Variants in JMJD4 observed in about 807,000 individuals in gnomAD.
JMJD4 encodes 2-oxoglutarate and iron-dependent oxygenase JMJD4.
Under a neutral mutation model 36.3 loss-of-function variants are expected in JMJD4, and 34 were observed. That is an observed-to-expected ratio of 0.94 (90% CI 0.71 to 1.25). The LOEUF (loss-of-function observed/expected upper bound fraction) is 1.25, where lower values mean the gene tolerates loss of function less well. JMJD4 is among the 50% of genes most tolerant of loss of function. The pLI, the probability that JMJD4 is intolerant of heterozygous loss-of-function variation, is 0.00. For synonymous variants in JMJD4, 269 were observed against 235.3 expected (o/e 1.14, Z -1.31); for missense variants, 584 against 559.1 (o/e 1.04, Z -0.45).
At position 227,731,861 on chromosome 1, in the gene JMJD4, TGGG is replaced by T; in HGVS notation, c.*528_*530del. ...GCCAGCCCAACCCAGCCCTCCACTC[TGGG>T]TACCCAGAGGAAGGCGCAGGCCGCT... On this transcript the variant is annotated 3_prime_UTR_variant, in exon 6 of 6. Transcript: ENST00000620518. 6.4e-6 allele frequency: 1 copy of T among 156,032 alleles called. No homozygotes were observed. Among genetic ancestry groups the T allele is most frequent in the Non-Finnish European group, 1.4e-5 (1 of 70,126 alleles). The allele number at this position is 156,032 out of a possible 1,614,324, so 9.7% of individuals were successfully genotyped here. A position where few individuals can be genotyped will look rare whatever the true frequency, so the allele number is the denominator to read the frequency against.
rs1348285729 is a variant in JMJD4 at position 227,731,318 on chromosome 1, A to G, written c.*1074T>C. On this transcript the variant is annotated 3_prime_UTR_variant, in exon 6 of 6. Coordinates refer to ENST00000620518, the MANE Select transcript of JMJD4 (RefSeq NM_023007.3). Reference sequence around the variant, plus strand: ...ACCCCTGCCCTTCTTGGGGGCTTCCATCCTAGACAAGTGCCAGCGGCCCCA... The same window carrying G: ...ACCCCTGCCCTTCTTGGGGGCTTCCGTCCTAGACAAGTGCCAGCGGCCCCA... The G allele has an allele frequency of 6.6e-6, 1 of 152,348 alleles. No homozygotes were observed. The highest frequency in any genetic ancestry group is 1.5e-5 in the Non-Finnish European group (1 of 68,124). The allele number at this position is 152,348 out of a possible 1,614,324, so 9.4% of individuals were successfully genotyped here.
chr1:227,734,036 TGAG>T lies in JMJD4; in HGVS notation c.429-7_429-5del, dbSNP rs1356137258. ...AACGTCCTCCACCGGAAAGTCCCTGTGAGGAGGGCGCAAGGGCACCACCGACAG... is the reference window on the plus strand; with the variant it reads ...AACGTCCTCCACCGGAAAGTCCCTGTGAGGGCGCAAGGGCACCACCGACAG... On this transcript the variant is annotated splice_region_variant and splice_polypyrimidine_tract_variant and intron_variant, in intron 2 of 5. Coordinates refer to ENST00000620518, the MANE Select transcript of JMJD4 (RefSeq NM_023007.3). 1 of 1,611,928 alleles carries T rather than the reference TGAG, an allele frequency of 6.2e-7. No individual in the cohort carries two copies. Among genetic ancestry groups the T allele is most frequent in the Admixed American group, 1.7e-5 (1 of 59,916 alleles).
In JMJD4 at chr1:227,731,279, C is replaced by T. The variant is rs1417335877; in HGVS notation, c.*1113G>A. On this transcript the variant is annotated 3_prime_UTR_variant, in exon 6 of 6. Transcript: ENST00000620518. ...CAAGCACTTCACATGATTCACTGAACAGAGCAGACAGAAACCCCTGCCCTT... is the reference window on the plus strand; with the variant it reads ...CAAGCACTTCACATGATTCACTGAATAGAGCAGACAGAAACCCCTGCCCTT... 1 of 152,304 alleles carries T rather than the reference C, an allele frequency of 6.6e-6. No individual in the cohort carries two copies. Among genetic ancestry groups the T allele is most frequent in the Non-Finnish European group, 1.5e-5 (1 of 68,078 alleles). 9.4% of individuals were successfully genotyped at this position (152,304 alleles called of 1,614,324 possible).
At chr1:227,734,394 C>A (rs1316666205) in intron 2 of JMJD4, 1 of 384,432 alleles carries the variant, frequency 2.6e-6, no homozygotes, top group Non-Finnish European at 4.5e-6. Flanking sequence ...AGTGGAGACG[C>A]CTTCCTGTAA....
Position 227,733,691 on chromosome 1 carries a change from C to A in JMJD4, c.555-10G>T. The A allele has an allele frequency of 6.3e-7, 1 of 1,599,524 alleles. No individual in the cohort carries two copies. Among genetic ancestry groups the A allele is most frequent in the Non-Finnish European group, 8.5e-7 (1 of 1,179,856 alleles). ...AGCATGGAACGGGGACCTGCGGCAG[C>A]AAGAGCGCCTGGTTCATGCCTGTAG... On this transcript the variant is annotated splice_polypyrimidine_tract_variant and intron_variant, in intron 3 of 5. Coordinates refer to ENST00000620518, the MANE Select transcript of JMJD4 (RefSeq NM_023007.3).
Sources: gnomAD v4.1 joint callset for allele counts on GRCh38, gnomAD v4.1.1 for gene constraint, MANE v1.5 for transcripts, NCBI Gene and HGNC (gene_info 2026-07-23, HGNC 2026-07-21) for gene names.